The following CDH13 variants were observed in gnomAD, a reference collection of about 807,000 sequenced individuals.
CDH13 encodes the protein cadherin-13.
Under a neutral mutation model 63.8 loss-of-function variants are expected in CDH13, and 24 were observed. The ratio of observed to expected loss-of-function variants is 0.38; its 90% CI spans 0.27 to 0.53. The LOEUF (loss-of-function observed/expected upper bound fraction) is 0.53. Among genes scored for constraint, CDH13 ranks in the 20% least tolerant of loss-of-function variants. The pLI is 0.85. For synonymous variants in CDH13, 503 were observed against 355.3 expected (o/e 1.42, Z -4.67); for missense variants, 1,049 against 903.1 (o/e 1.16, Z -2.07).
chr16:82,794,741 T>G (rs2036498638), intron 1 of CDH13, among the ~76,000 whole-genome samples: 1 of 152,190 alleles, frequency 6.6e-6, no homozygotes, highest in Non-Finnish European at 1.5e-5. Flanking sequence ...AAACTATGGT[T>G]TTCAGTTTGA....
intron 3 of CDH13, among the ~76,000 whole-genome samples, chr16:83,113,870 A>T (rs183337913): frequency 1.3e-5 from 2 of 152,296 alleles, no homozygotes; most frequent in Admixed American, 1.3e-4. Flanking sequence ...GGTCATCGGG[A>T]TCCAAGCCTG....
chr16:83,793,004 C>A (rs1394056210), intron 13 of CDH13, among the ~76,000 whole-genome samples: 1 of 152,136 alleles, frequency 6.6e-6, no homozygotes, highest in African/African-American at 2.4e-5. Flanking sequence ...TCAGTGGGCA[C>A]TTTTGGATGG....
At chr16:83,248,291 CA>C (rs897354173) in intron 5 of CDH13, among the ~76,000 whole-genome samples, 3 of 152,236 alleles carry the variant, frequency 2.0e-5, no homozygotes, top group South Asian at 2.1e-4. Context: ...GAAACAGAGG[CA>C]GGGGGGTACA....
chr16:83,324,844 T>C (rs1247307695), intron 5 of CDH13, among the ~76,000 whole-genome samples: 1 of 152,236 alleles, frequency 6.6e-6, no homozygotes, highest in Non-Finnish European at 1.5e-5. Context: ...TTTCCAGTTT[T>C]AATGCTGTTA....
rs560194640 is a variant in CDH13, at chr16:83,715,540, A to G, written c.1539-32568A>G. Among the ~76,000 whole-genome samples, 12 of 152,322 alleles carry G rather than the reference A, an allele frequency of 7.9e-5. No homozygotes were observed. In the South Asian group the frequency reaches 1.7e-3, roughly 21 times the overall value. On this transcript the variant is annotated intron_variant, in intron 10 of 13. Transcript: ENST00000567109. ...CAGCGTTAGTAAAATGCATTTTCCA[A>G]TACTATCCTGTGTCTTAAATGGTAT...
chr16:83,147,050 T>C (rs75301687), intron 4 of CDH13, among the ~76,000 whole-genome samples: 15,675 of 152,126 alleles, frequency 0.1, 889 homozygotes, highest in Middle Eastern at 0.15. Context: ...ATCACGCCGC[T>C]GTACTCTGGC....
chr16:83,754,088 T>C (rs938634252), intron 11 of CDH13, among the ~76,000 whole-genome samples: 29 of 152,134 alleles, frequency 1.9e-4, no homozygotes, highest in Non-Finnish European at 5.9e-5. Flanking sequence ...ACTGGAAACT[T>C]GAGGGGCTGC....
At chr16:82,792,951 T>G (rs560594936) in intron 1 of CDH13, among the ~76,000 whole-genome samples, 1 of 152,226 alleles carries the variant, frequency 6.6e-6, no homozygotes, top group Non-Finnish European at 1.5e-5. Context: ...TGGACTGTTA[T>G]GCGAGGAAAT....
rs1326846791 is a variant in CDH13 at position 82,851,457 on chromosome 16, G to T, written c.46-6905G>T. ...CTCAAAAAAAAAATAAAAAGAAAAA[G>T]AAAAAGAAAAAAGAAAGCAACAATG... On this transcript the variant is annotated intron_variant, in intron 1 of 13. Transcript: ENST00000567109. 6.2e-5 allele frequency among the ~76,000 whole-genome samples: 9 copies of T among 145,376 alleles called. 2 individuals are homozygous for T. The East Asian group carries it at 1.8e-3, about 28-fold the overall frequency.
intron 1 of CDH13, among the ~76,000 whole-genome samples, chr16:82,725,485 T>A (rs980480670): frequency 1.3e-5 from 2 of 152,198 alleles, no homozygotes; most frequent in African/African-American, 4.8e-5. Context: ...CTTTCTCATC[T>A]GAAAAATGGG....
At chr16:83,316,436 CG>C (rs2090106841) in intron 5 of CDH13, among the ~76,000 whole-genome samples, 1 of 152,144 alleles carries the variant, frequency 6.6e-6, no homozygotes, top group South Asian at 2.1e-4. Flanking sequence ...AAACGGGGAG[CG>C]ATGCAAAAGA....
intron 1 of CDH13, among the ~76,000 whole-genome samples, chr16:82,672,494 T>C (rs940732084): frequency 4.6e-5 from 7 of 152,122 alleles, no homozygotes. Flanking sequence ...TTGATATTAA[T>C]ATTCTTGAAA....
At chr16:83,771,784 A>G (rs908737911) in intron 11 of CDH13, among the ~76,000 whole-genome samples, 1 of 152,212 alleles carries the variant, frequency 6.6e-6, no homozygotes, top group African/African-American at 2.4e-5. Flanking sequence ...AATTTTAAAT[A>G]GGCTTTGTTT....
chr16:83,516,717 A>G (rs1390158015), intron 7 of CDH13, among the ~76,000 whole-genome samples: 2 of 152,238 alleles, frequency 1.3e-5, no homozygotes, highest in Non-Finnish European at 2.9e-5. Context: ...AAATGAATAT[A>G]TAGTAAAAAA....
intron 1 of CDH13, among the ~76,000 whole-genome samples, chr16:82,671,886 A>G (rs1486321716): frequency 1.3e-5 from 2 of 152,182 alleles, no homozygotes; most frequent in Non-Finnish European, 2.9e-5. Flanking sequence ...TGCGCACCTG[A>G]GAAGTGCCCC....
At chr16:83,396,010 C>G (rs1475322832) in intron 6 of CDH13, among the ~76,000 whole-genome samples, 1 of 152,146 alleles carries the variant, frequency 6.6e-6, no homozygotes, top group Non-Finnish European at 1.5e-5. Flanking sequence ...GTGTTCTCAT[C>G]ATTTAGCTCC....
At chr16:83,564,624 G>C (rs943583415) in intron 7 of CDH13, among the ~76,000 whole-genome samples, 14 of 152,114 alleles carry the variant, frequency 9.2e-5, no homozygotes, top group African/African-American at 2.2e-4. Flanking sequence ...GGCCAGGCTG[G>C]TCTCAAACTC....
chr16:83,164,567 A>G (rs966490410), intron 4 of CDH13, among the ~76,000 whole-genome samples: 2 of 151,972 alleles, frequency 1.3e-5, no homozygotes, highest in African/African-American at 2.4e-5. Flanking sequence ...CTAAAAATAC[A>G]GAAATTAGCC....
intron 10 of CDH13, among the ~76,000 whole-genome samples, chr16:83,699,841 A>T (rs907792566): frequency 6.6e-6 from 1 of 152,086 alleles, no homozygotes; most frequent in African/African-American, 2.4e-5. Context: ...AAGGCACATC[A>T]TCCCAGCATG....
Sources: gnomAD v4.1 joint callset for allele counts (sites outside exome capture counted in the v4.1 genomes callset) on GRCh38, gnomAD v4.1.1 for gene constraint, MANE v1.5 for transcripts, NCBI Gene and HGNC (gene_info 2026-07-23, HGNC 2026-07-21) for gene names.